Variants in SLC35F1 observed in about 807,000 individuals in gnomAD.
SLC35F1 encodes the protein chromosome 6 open reading frame 169.
In SLC35F1, 14 loss-of-function variants were observed where a neutral mutation model predicts 48.7. The observed-to-expected ratio is 0.29, with a 90% CI of 0.19 to 0.45. SLC35F1 has a LOEUF of 0.45. Among genes scored for constraint, SLC35F1 ranks in the 20% least tolerant of loss-of-function variants. SLC35F1 has a pLI of 1.00. For synonymous variants in SLC35F1, 190 were observed against 202.2 expected, an observed-to-expected ratio of 0.94 and a Z score of 0.51; for missense variants, 404 against 500.0, an observed-to-expected ratio of 0.81 and a Z score of 1.83.
At position 118,004,266 on chromosome 6, in the gene SLC35F1, C is replaced by T. The variant is rs191670876; in HGVS notation, c.173+96367C>T. ...TTTTCATTTTTATTCATTTCAAATC[C>T]TGAAATTGAGTAATCTCTAAATGTT... On this transcript the variant is annotated intron_variant, in intron 1 of 7. Coordinates refer to ENST00000360388, the MANE Select transcript of SLC35F1 (RefSeq NM_001029858.4). 9.2e-5 allele frequency among the ~76,000 whole-genome samples: 14 copies of T among 152,184 alleles called. No homozygotes were observed. The East Asian group carries it at 2.3e-3, about 25-fold the overall frequency.
At chr6:117,938,511 C>T (rs576906754) in intron 1 of SLC35F1, among the ~76,000 whole-genome samples, 42 of 152,338 alleles carry the variant, frequency 2.8e-4, no homozygotes, top group Non-Finnish European at 4.4e-4. Context: ...CTGCAGGGCT[C>T]ACTGCCCCCA....
chr6:118,041,888 T>C (rs1377843133), intron 1 of SLC35F1, among the ~76,000 whole-genome samples: 1 of 151,898 alleles, frequency 6.6e-6, no homozygotes, highest in Non-Finnish European at 1.5e-5. Flanking sequence ...ATCTACTGGA[T>C]GAGGACTTCA....
At chr6:118,068,805 G>A (rs1358730548) in intron 1 of SLC35F1, among the ~76,000 whole-genome samples, 1 of 152,166 alleles carries the variant, frequency 6.6e-6, no homozygotes, top group African/African-American at 2.4e-5. Context: ...GTTGATTGCA[G>A]ACATCACTTT....
At chr6:118,237,085 G>A (rs1169984877) in intron 3 of SLC35F1, among the ~76,000 whole-genome samples, 3 of 151,868 alleles carry the variant, frequency 2.0e-5, no homozygotes, top group Admixed American at 6.6e-5. Context: ...ATATATTGGG[G>A]GATACTCATA....
At chr6:118,200,391 A>G (rs1367650788) in intron 2 of SLC35F1, among the ~76,000 whole-genome samples, 1 of 152,178 alleles carries the variant, frequency 6.6e-6, no homozygotes, top group Non-Finnish European at 1.5e-5. Context: ...TGGAAACACC[A>G]GGAGTAAGGG....
Position 118,059,944 on chromosome 6 carries a change from G to A in SLC35F1, c.174-94501G>A, listed in dbSNP as rs144953585. On this transcript the variant is annotated intron_variant, in intron 1 of 7. Coordinates refer to ENST00000360388, the MANE Select transcript of SLC35F1 (RefSeq NM_001029858.4). ...TGTACCCATAGTGTTTATAAAATAC[G>A]CTTTAGGGCTTTGTATTAGAAATAA... 1.7e-3 allele frequency among the ~76,000 whole-genome samples: 256 copies of A among 152,246 alleles called. 2 individuals carry two copies. Among genetic ancestry groups the A allele is most frequent in the African/African-American group, 5.6e-3 (234 of 41,550 alleles).
At chr6:118,272,694 A>T (rs1482457211) in intron 4 of SLC35F1, among the ~76,000 whole-genome samples, 1 of 148,946 alleles carries the variant, frequency 6.7e-6, no homozygotes, top group Non-Finnish European at 1.5e-5. Context: ...AATAAATCTC[A>T]TTAAAACATA....
intron 1 of SLC35F1, among the ~76,000 whole-genome samples, chr6:118,149,744 A>C (rs1442550839): frequency 6.6e-6 from 1 of 152,216 alleles, no homozygotes; most frequent in Non-Finnish European, 1.5e-5. Flanking sequence ...CCATTAATTA[A>C]AAGCAGAAAT....
chr6:118,263,669 G>A (rs1775738930), intron 3 of SLC35F1, among the ~76,000 whole-genome samples: 1 of 152,034 alleles, frequency 6.6e-6, no homozygotes, highest in African/African-American at 2.4e-5. Flanking sequence ...GCAATCAGAA[G>A]AGGAGTTTTT....
chr6:118,182,909 C>T (rs1774603717), intron 2 of SLC35F1, among the ~76,000 whole-genome samples: 1 of 152,084 alleles, frequency 6.6e-6, no homozygotes, highest in Non-Finnish European at 1.5e-5. Flanking sequence ...GTTTTCAAAA[C>T]CAAATTTAAC....
intron 2 of SLC35F1, among the ~76,000 whole-genome samples, chr6:118,176,335 G>C (rs1774488311): frequency 6.6e-6 from 1 of 152,066 alleles, no homozygotes; most frequent in Admixed American, 6.6e-5. Flanking sequence ...CTGCTGATCA[G>C]ATTGGGAGGA....
chr6:118,231,489 T>C (rs139698798), intron 2 of SLC35F1, among the ~76,000 whole-genome samples: 145 of 152,340 alleles, frequency 9.5e-4, no homozygotes, highest in African/African-American at 3.3e-3. Flanking sequence ...ATGGGAGTCA[T>C]GTAGATAAAT....
At chr6:118,241,831 CA>C (rs1775445212) in intron 3 of SLC35F1, among the ~76,000 whole-genome samples, 1 of 152,184 alleles carries the variant, frequency 6.6e-6, no homozygotes, top group Non-Finnish European at 1.5e-5. Flanking sequence ...CAGTATTTAA[CA>C]TTTTGAGATT....
At chr6:117,925,052 G>A (rs72955870) in intron 1 of SLC35F1, among the ~76,000 whole-genome samples, 2 of 152,266 alleles carry the variant, frequency 1.3e-5, no homozygotes, top group Non-Finnish European at 2.9e-5. Flanking sequence ...AGAGAAAAAC[G>A]TAATTGTGTT....
chr6:118,017,458 C>T (rs1777337476), intron 1 of SLC35F1, among the ~76,000 whole-genome samples: 1 of 152,232 alleles, frequency 6.6e-6, no homozygotes. Context: ...CTAGAATTTA[C>T]AGCAGGATCA....
chr6:118,105,217 C>T (rs550290519), intron 1 of SLC35F1, among the ~76,000 whole-genome samples: 12 of 152,284 alleles, frequency 7.9e-5, no homozygotes, highest in African/African-American at 2.9e-4. Context: ...TTGTTGTCTA[C>T]TTCCCATTCC....
chr6:118,142,657 A>G (rs1370369204), intron 1 of SLC35F1, among the ~76,000 whole-genome samples: 1 of 152,098 alleles, frequency 6.6e-6, no homozygotes, highest in African/African-American at 2.4e-5. Flanking sequence ...TAAATATCCA[A>G]TTTTCATTCT....
At chr6:118,178,297 C>T (rs1774522641) in intron 2 of SLC35F1, among the ~76,000 whole-genome samples, 1 of 152,072 alleles carries the variant, frequency 6.6e-6, no homozygotes, top group South Asian at 2.1e-4. Flanking sequence ...TTGTTAGAGG[C>T]CTTGTTTCTA....
chr6:118,197,387 C>G (rs985554591), intron 2 of SLC35F1, among the ~76,000 whole-genome samples: 1 of 152,034 alleles, frequency 6.6e-6, no homozygotes, highest in African/African-American at 2.4e-5. Flanking sequence ...ACTCAGTGAG[C>G]CTTTATGCTA....
Sources: allele counts gnomAD v4.1 joint callset (sites outside exome capture counted in the v4.1 genomes callset), GRCh38; gene constraint gnomAD v4.1.1; transcripts MANE v1.5; gene names NCBI Gene and HGNC (gene_info 2026-07-23, HGNC 2026-07-21).